STARD10: variants seen among roughly 807,000 people sequenced by gnomAD.
The protein encoded by STARD10 is START domain-containing protein 10.
In STARD10, 24 loss-of-function variants were observed where a neutral mutation model predicts 36.0. The ratio of observed to expected loss-of-function variants is 0.67; its 90% CI spans 0.48 to 0.94. The LOEUF (loss-of-function observed/expected upper bound fraction) is 0.94. Among genes scored for constraint, STARD10 ranks in the 40% least tolerant of loss-of-function variants. The pLI, the probability that STARD10 is intolerant of heterozygous loss-of-function variation, is 0.00. For synonymous variants in STARD10, 156 were observed against 161.9 expected, an observed-to-expected ratio of 0.96 and a Z score of 0.28; for missense variants, 335 against 396.6, an observed-to-expected ratio of 0.84 and a Z score of 1.32.
Position 72,754,732 on chromosome 11 carries a change from G to A in STARD10, c.*165C>T. 2 of 1,083,214 alleles carry A rather than the reference G, an allele frequency of 1.8e-6. No individual in the cohort carries two copies. The highest frequency in any genetic ancestry group is 5.2e-5 in the East Asian group (2 of 38,360). The allele number at this position is 1,083,214 out of a possible 1,614,324, so 67.1% of individuals were successfully genotyped here. A position where few individuals can be genotyped will look rare whatever the true frequency, so the allele number is the denominator to read the frequency against. ...GCAGGCACAGTGATGAGCCGGCTGA[G>A]GCTGTGGGATCGTTTATTGGGGCTC... is the stretch of plus-strand genomic sequence containing the variant. On this transcript the variant is annotated 3_prime_UTR_variant, in exon 7 of 7. Coordinates refer to ENST00000334805, the MANE Select transcript of STARD10 (RefSeq NM_006645.3).
intron 2 of STARD10, among the ~76,000 whole-genome samples, chr11:72,761,686 C>T (rs1198707100): frequency 3.3e-5 from 5 of 151,740 alleles, no homozygotes; most frequent in East Asian, 1.9e-4. Flanking sequence ...TGGAGGTTTC[C>T]GTGAGCCGAG....
intron 2 of STARD10, among the ~76,000 whole-genome samples, chr11:72,777,545 C>T (rs1380594337): frequency 1.3e-5 from 2 of 152,238 alleles, no homozygotes; most frequent in Non-Finnish European, 2.9e-5. Context: ...CCAAGCTGCC[C>T]CCTGCCTTGT....
At chr11:72,775,493 C>T (rs1197602032) in intron 2 of STARD10, among the ~76,000 whole-genome samples, 1 of 152,126 alleles carries the variant, frequency 6.6e-6, no homozygotes, top group Non-Finnish European at 1.5e-5. Flanking sequence ...CTGTGATCCA[C>T]CTCTGGGCCT....
chr11:72,786,260 G>A (rs1859069395), intron 1 of STARD10, among the ~76,000 whole-genome samples: 1 of 152,158 alleles, frequency 6.6e-6, no homozygotes, highest in African/African-American at 2.4e-5. Flanking sequence ...GCTGAGGCAA[G>A]AGGATGGCTT....
At chr11:72,762,178 G>A (rs1403534688) in intron 2 of STARD10, among the ~76,000 whole-genome samples, 2 of 151,624 alleles carry the variant, frequency 1.3e-5, no homozygotes, top group South Asian at 2.1e-4. Flanking sequence ...CTCCCGCCTC[G>A]GCCTCCCAAA....
chr11:72,781,184 G>T lies in STARD10; in HGVS notation c.-3C>A. 1 of 1,607,484 alleles carries T rather than the reference G, an allele frequency of 6.2e-7. No homozygotes were observed. The highest frequency in any genetic ancestry group is 8.5e-7 in the Non-Finnish European group (1 of 1,179,454). ...GTAGAGGCCGCCAGCTTCTCCATGG[G>T]GAGTGTGGGGAGGCCCAGGGCCCTG... is the stretch of plus-strand genomic sequence containing the variant. On this transcript the variant is annotated 5_prime_UTR_variant, in exon 2 of 7. Transcript: ENST00000334805. The surrounding 1 kb of genome is among the most constrained non-coding windows in gnomAD (Gnocchi z 4.7).
intron 1 of STARD10, among the ~76,000 whole-genome samples, chr11:72,784,918 C>G (rs757263514): frequency 6.6e-6 from 1 of 152,258 alleles, no homozygotes; most frequent in Non-Finnish European, 1.5e-5. Flanking sequence ...ACGTGCCCCT[C>G]GCAGACAGAG....
chr11:72,762,834 G>C (rs1439377417), intron 2 of STARD10, among the ~76,000 whole-genome samples: 2 of 152,172 alleles, frequency 1.3e-5, no homozygotes, highest in Non-Finnish European at 2.9e-5. Context: ...CCTGTGGGCA[G>C]TGAATGAGTT....
Position 72,781,131 on chromosome 11 carries a change from C to T in STARD10, c.51G>A (p.Leu17=), listed in dbSNP as rs762753964. ...STEPQGPRPV[L]GRESVQVPDD... The stretch of plus-strand genomic sequence containing the variant: ...CGGGCACCTGGACACTCTCACGGCC[C>T]AGGACCGGCCGAGGCCCTTGGGGCT... Residue 17 remains leucine, a synonymous_variant, in exon 2 of 7, where the codon CTG becomes CTA. Coordinates refer to ENST00000334805, the MANE Select transcript of STARD10 (RefSeq NM_006645.3). The surrounding 1 kb of genome is among the most constrained non-coding windows in gnomAD (Gnocchi z 4.7). The T allele has an allele frequency of 8.7e-6, 14 of 1,613,466 alleles. No homozygotes were observed. The highest frequency in any genetic ancestry group is 1.2e-5 in the Non-Finnish European group (14 of 1,180,020).
At chr11:72,787,155 C>T (rs1859083837) in intron 1 of STARD10, among the ~76,000 whole-genome samples, 1 of 151,618 alleles carries the variant, frequency 6.6e-6, no homozygotes. Context: ...TGTTCTAGAC[C>T]ACACACCACT....
chr11:72,763,668 G>A (rs570193720), intron 2 of STARD10, among the ~76,000 whole-genome samples: 1 of 152,290 alleles, frequency 6.6e-6, no homozygotes, highest in South Asian at 2.1e-4. Context: ...GGAGACTAAT[G>A]AGATGTGAGT....
At chr11:72,788,880 G>A (rs191372591) in intron 1 of STARD10, among the ~76,000 whole-genome samples, 1 of 152,208 alleles carries the variant, frequency 6.6e-6, no homozygotes, top group Non-Finnish European at 1.5e-5. Flanking sequence ...TTAAAAGATA[G>A]GATCTTGCTC....
chr11:72,781,027 AC>A lies in STARD10; in HGVS notation c.154del (p.Val52CysfsTer57), dbSNP rs1217848951. ...CTCCACAGCCTGCACCCAGACAGAC[AC>A]CCCAGCCCTGCTATAGGTCAGGTTC... The part of the protein sequence containing the change: ...GWNLTYSRAG[V>X]SVWVQAVEMD... On this transcript the variant is annotated frameshift_variant, in exon 2 of 7. Transcript: ENST00000334805. LOFTEE classifies it high-confidence loss of function. This position sits in a 1 kb window ranked among gnomAD's most constrained non-coding sequence, Gnocchi z 4.7. 3 of 1,613,872 alleles carry A rather than the reference AC, an allele frequency of 1.9e-6. No homozygotes were observed. Among genetic ancestry groups the A allele is most frequent in the Non-Finnish European group, 2.5e-6 (3 of 1,180,004 alleles).
At chr11:72,788,321 C>A (rs1859099827) in intron 1 of STARD10, among the ~76,000 whole-genome samples, 1 of 152,170 alleles carries the variant, frequency 6.6e-6, no homozygotes, top group Admixed American at 6.5e-5. Flanking sequence ...CCCAGTGCCC[C>A]TCCCTAGAGA....
chr11:72,779,986 T>A, intron 2 of STARD10: 1 of 277,836 alleles, frequency 3.6e-6, no homozygotes, highest in Admixed American at 4.2e-5. Flanking sequence ...AAGGGGAGGG[T>A]GGACTCCTCC....
At chr11:72,777,854 A>C (rs948773853) in intron 2 of STARD10, among the ~76,000 whole-genome samples, 2 of 151,814 alleles carry the variant, frequency 1.3e-5, no homozygotes, top group African/African-American at 4.8e-5. Flanking sequence ...TCCCACCCCC[A>C]CCCTGGGATC....
chr11:72,785,251 T>C (rs1859056723), intron 1 of STARD10, among the ~76,000 whole-genome samples: 1 of 151,802 alleles, frequency 6.6e-6, no homozygotes, highest in Admixed American at 6.6e-5. Context: ...AAGATCCTAC[T>C]AGCAGGGACA....
chr11:72,772,923 C>T (rs1363622555), intron 2 of STARD10, among the ~76,000 whole-genome samples: 1 of 152,178 alleles, frequency 6.6e-6, no homozygotes, highest in Non-Finnish European at 1.5e-5. Context: ...TATACTCACT[C>T]AGCCTGAGTA....
At chr11:72,769,347 C>G (rs909421181) in intron 2 of STARD10, among the ~76,000 whole-genome samples, 9 of 152,092 alleles carry the variant, frequency 5.9e-5, no homozygotes, top group African/African-American at 1.9e-4. Flanking sequence ...TTAGTGGCAG[C>G]AAAAATTGGT....
Sources: allele counts gnomAD v4.1 joint callset (sites outside exome capture counted in the v4.1 genomes callset), GRCh38; gene constraint gnomAD v4.1.1; non-coding constraint Gnocchi (gnomAD v3.1); transcripts MANE v1.5; gene names NCBI Gene and HGNC (gene_info 2026-07-23, HGNC 2026-07-21).